The following TMCC3 variants were observed in gnomAD, a reference collection of about 807,000 sequenced individuals.
TMCC3 encodes transmembrane and coiled-coil domain protein 3.
TMCC3 carries 28 observed loss-of-function variants against 40.2 expected under a neutral mutation model. That is an observed-to-expected ratio of 0.70 (90% confidence interval 0.52 to 0.95). The LOEUF (loss-of-function observed/expected upper bound fraction) is 0.95, where lower values mean the gene tolerates loss of function less well. TMCC3 is among the 40% of genes least tolerant of loss of function. TMCC3 has a pLI of 0.00. For missense variants in TMCC3, 554 were observed against 615.2 expected (o/e 0.90, Z 1.05); for synonymous variants, 255 against 248.5 (o/e 1.03, Z -0.25).
At chr12:94,634,894 T>C (rs149612688) in intron 1 of TMCC3, among the ~76,000 whole-genome samples, 1,971 of 152,358 alleles carry the variant, frequency 0.013, 51 homozygotes, top group African/African-American at 0.046. Context: ...TCTACAAGCA[T>C]GGTGCCTTTC....
intron 1 of TMCC3, among the ~76,000 whole-genome samples, chr12:94,620,024 G>A (rs755731774): frequency 6.6e-5 from 10 of 152,076 alleles, no homozygotes; most frequent in African/African-American, 1.9e-4. Context: ...TTAGCTGGGC[G>A]TGGTGGCGGG....
chr12:94,597,155 AT>A lies in TMCC3; in HGVS notation c.79-14618del, dbSNP rs1566322301. Among the ~76,000 whole-genome samples the A allele has an allele frequency of 4.4e-3, 63 of 14,348 alleles. 1 individual carries two copies. Among genetic ancestry groups the A allele is most frequent in the African/African-American group, 6.1e-3 (35 of 5,698 alleles). 9.4% of individuals were successfully genotyped at this position (14,348 alleles called of 152,430 possible). Reference sequence around the variant, plus strand: ...TATATATATATATATATATATATATATATGTATATAAATTAGCCAGGCCTGC... The same window carrying A: ...TATATATATATATATATATATATATAATGTATATAAATTAGCCAGGCCTGC... On this transcript the variant is annotated intron_variant, in intron 1 of 3. Transcript: ENST00000261226.
At position 94,574,843 on chromosome 12, in the gene TMCC3, T is replaced by C. The variant is rs867522634; in HGVS notation, c.1132-3106A>G. Among the ~76,000 whole-genome samples, 18 of 152,288 alleles carry C rather than the reference T, an allele frequency of 1.2e-4. No individual in the cohort carries two copies. The Middle Eastern group carries it at 0.014, about 115-fold the overall frequency. On this transcript the variant is annotated intron_variant, in intron 3 of 3. Transcript: ENST00000261226. ...ACAAAAGACCAACCTTTTAGGAAAA[T>C]CCATGAATCTTTGATTATAAAATGA... is the stretch of plus-strand genomic sequence containing the variant.
chr12:94,641,736 C>A (rs1308276682), intron 1 of TMCC3, among the ~76,000 whole-genome samples: 2 of 152,058 alleles, frequency 1.3e-5, no homozygotes, highest in Non-Finnish European at 2.9e-5. Context: ...GAGACCAGGG[C>A]AGACTTGGGT....
At chr12:94,621,927 G>A (rs2068877927) in intron 1 of TMCC3, among the ~76,000 whole-genome samples, 1 of 152,118 alleles carries the variant, frequency 6.6e-6, no homozygotes, top group Non-Finnish European at 1.5e-5. Context: ...AGTGTCCAAC[G>A]TCAACCTGCC....
At chr12:94,610,613 T>G (rs570018053) in intron 1 of TMCC3, among the ~76,000 whole-genome samples, 125 of 152,212 alleles carry the variant, frequency 8.2e-4, no homozygotes, top group Non-Finnish European at 1.9e-4. Flanking sequence ...GCAAACAGCA[T>G]AGACATCCAT....
Position 94,568,414 on chromosome 12 carries a change from A to G in TMCC3, c.*3021T>C, listed in dbSNP as rs2068507642. 6.6e-6 allele frequency: 1 copy of G among 152,198 alleles called. No individual in the cohort carries two copies. The highest frequency in any genetic ancestry group is 2.1e-4 in the South Asian group (1 of 4,830). 9.4% of individuals were successfully genotyped at this position (152,198 alleles called of 1,614,324 possible). A position where few individuals can be genotyped will look rare whatever the true frequency, so the allele number is the denominator to read the frequency against. The stretch of plus-strand genomic sequence containing the variant: ...CAATGTCCAGCATCTTCAACCACTC[A>G]GGAGTGTTTGCTGAGAGACCAGGTG... On this transcript the variant is annotated 3_prime_UTR_variant, in exon 4 of 4. Coordinates refer to ENST00000261226, the MANE Select transcript of TMCC3 (RefSeq NM_020698.4).
rs998580555 is a variant in TMCC3 at position 94,584,991 on chromosome 12, T to C, written c.79-2453A>G. On this transcript the variant is annotated intron_variant, in intron 1 of 3. Transcript: ENST00000261226. ...CCCAAACAGGAACAGGTTCAAATTA[T>C]AGCAACAGAGAATGCATGAAACTTA... Among the ~76,000 whole-genome samples, 8 of 152,152 alleles carry C rather than the reference T, an allele frequency of 5.3e-5. No homozygotes were observed. In the South Asian group the frequency reaches 1.0e-3, roughly 20 times the overall value.
chr12:94,613,125 CATT>C (rs1437396027), intron 1 of TMCC3, among the ~76,000 whole-genome samples: 7 of 151,678 alleles, frequency 4.6e-5, no homozygotes, highest in African/African-American at 1.7e-4. Flanking sequence ...CACACACACA[CATT>C]GTGTTTATTT....
intron 1 of TMCC3, chr12:94,614,012 G>A (rs2138862112): frequency 6.7e-6 from 1 of 148,912 alleles, no homozygotes; most frequent in Non-Finnish European, 1.5e-5. Context: ...GGAGAATGGC[G>A]TGAACCTGGG....
Position 94,567,608 on chromosome 12 carries a change from T to C in TMCC3, c.*3827A>G, listed in dbSNP as rs2068502707. ...TTTGATGTGAATAAGCCAATTTCAT[T>C]CTTTGCAGTGATTTATCTTTTTAAA... is the stretch of plus-strand genomic sequence containing the variant. On this transcript the variant is annotated 3_prime_UTR_variant, in exon 4 of 4. Coordinates refer to ENST00000261226, the MANE Select transcript of TMCC3 (RefSeq NM_020698.4). 1.3e-5 allele frequency: 2 copies of C among 152,212 alleles called. No homozygotes were observed. Among genetic ancestry groups the C allele is most frequent in the East Asian group, 1.9e-4 (1 of 5,202 alleles). 9.4% of individuals were successfully genotyped at this position (152,212 alleles called of 1,614,324 possible). A position where few individuals can be genotyped will look rare whatever the true frequency, so the allele number is the denominator to read the frequency against.
At chr12:94,632,594 A>G (rs1369556073) in intron 1 of TMCC3, among the ~76,000 whole-genome samples, 1 of 152,202 alleles carries the variant, frequency 6.6e-6, no homozygotes, top group Admixed American at 6.5e-5. Context: ...TTAAGAATGG[A>G]TGTCAAAGTT....
At chr12:94,622,417 GTT>G (rs1310116979) in intron 1 of TMCC3, among the ~76,000 whole-genome samples, 2 of 152,080 alleles carry the variant, frequency 1.3e-5, no homozygotes, top group African/African-American at 4.8e-5. Context: ...ATCCTCTCTT[GTT>G]AGGTACTTAC....
At chr12:94,627,763 C>T (rs955338985) in intron 1 of TMCC3, among the ~76,000 whole-genome samples, 1 of 152,236 alleles carries the variant, frequency 6.6e-6, no homozygotes, top group African/African-American at 2.4e-5. Context: ...TTCCCTCTAC[C>T]TCCACCTTGG....
At chr12:94,579,936 G>C (rs1007384734) in intron 2 of TMCC3, among the ~76,000 whole-genome samples, 3 of 152,154 alleles carry the variant, frequency 2.0e-5, no homozygotes, top group African/African-American at 7.2e-5. Context: ...TAGAACTGAC[G>C]TTCATACTCT....
rs542094210 is a variant in TMCC3, at chr12:94,614,448, A to C, written c.79-31910T>G. ...AAAACAACCTCCTCTCCATAAACTG[A>C]CTAGAAAGGAACAGGTGGGAAGGAC... is the stretch of plus-strand genomic sequence containing the variant. On this transcript the variant is annotated intron_variant, in intron 1 of 3. Coordinates refer to ENST00000261226, the MANE Select transcript of TMCC3 (RefSeq NM_020698.4). Among the ~76,000 whole-genome samples the C allele has an allele frequency of 6.8e-4, 104 of 152,216 alleles. 1 individual carries two copies. The highest frequency in any genetic ancestry group is 2.4e-3 in the African/African-American group (100 of 41,516).
intron 1 of TMCC3, among the ~76,000 whole-genome samples, chr12:94,601,309 T>G (rs994470873): frequency 3.8e-4 from 58 of 152,092 alleles, no homozygotes; most frequent in Middle Eastern, 3.4e-3. Context: ...GAGGCCAGGC[T>G]TTCGAGACCA....
chr12:94,584,682 T>C (rs1034630819), intron 1 of TMCC3, among the ~76,000 whole-genome samples: 1 of 151,628 alleles, frequency 6.6e-6, no homozygotes, highest in East Asian at 1.9e-4. Flanking sequence ...CATTAGCTCT[T>C]AGCCCCTCTC....
At chr12:94,634,189 C>A (rs60428357) in intron 1 of TMCC3, among the ~76,000 whole-genome samples, 10,922 of 152,074 alleles carry the variant, frequency 0.072, 537 homozygotes, top group East Asian at 0.16. Context: ...AGGCAATCCG[C>A]CCGGCTGGGC....
Sources: allele counts gnomAD v4.1 joint callset (sites outside exome capture counted in the v4.1 genomes callset), GRCh38; gene constraint gnomAD v4.1.1; transcripts MANE v1.5; gene names NCBI Gene and HGNC (gene_info 2026-07-23, HGNC 2026-07-21).